SMARCA5: variants seen among roughly 807,000 people sequenced by gnomAD.
SMARCA5 encodes the protein SWI/SNF-related matrix-associated actin-dependent regulator of chromatin subfamily A member 5.
A neutral mutation model predicts 140.4 loss-of-function variants in SMARCA5; 18 were observed. The observed-to-expected ratio is 0.13, with a 90% CI of 0.09 to 0.19. The LOEUF is 0.19. Ranked by LOEUF, SMARCA5 falls within the 10% of genes least tolerant of loss-of-function variation. SMARCA5 has a pLI of 1.00. For missense variants in SMARCA5, 606 were observed against 1,276.8 expected, an observed-to-expected ratio of 0.47 and a Z score of 8.01; for synonymous variants, 449 against 419.6, an observed-to-expected ratio of 1.07 and a Z score of -0.86.
At chr4:143,523,988 G>A (rs1304756506) in intron 3 of SMARCA5, among the ~76,000 whole-genome samples, 2 of 152,022 alleles carry the variant, frequency 1.3e-5, no homozygotes, top group Non-Finnish European at 2.9e-5. Flanking sequence ...GCTTTTGCTC[G>A]AAGTTACAAT....
Position 143,554,179 on chromosome 4 carries a change from A to G in SMARCA5, c.*995A>G, listed in dbSNP as rs944198975. Reference sequence around the variant, plus strand: ...TGTTTTCTATGGACAGACCTGATAAACTGGAGACCCTAAAGCAGGAATACC... The same window carrying G: ...TGTTTTCTATGGACAGACCTGATAAGCTGGAGACCCTAAAGCAGGAATACC... On this transcript the variant is annotated 3_prime_UTR_variant, in exon 24 of 24. Transcript: ENST00000283131. The G allele has an allele frequency of 1.3e-5, 2 of 152,106 alleles. No individual in the cohort carries two copies. Among genetic ancestry groups the G allele is most frequent in the South Asian group, 4.1e-4 (2 of 4,830 alleles). The allele number at this position is 152,106 out of a possible 1,614,324, so 9.4% of individuals were successfully genotyped here. A position where few individuals can be genotyped will look rare whatever the true frequency, so the allele number is the denominator to read the frequency against.
At chr4:143,549,218 TG>T (rs1195259624) in intron 22 of SMARCA5, among the ~76,000 whole-genome samples, 1 of 152,052 alleles carries the variant, frequency 6.6e-6, no homozygotes, top group African/African-American at 2.4e-5. Context: ...AAAATGATAA[TG>T]TATTCTTCTA....
chr4:143,515,921 A>C (rs1013433993), intron 1 of SMARCA5, among the ~76,000 whole-genome samples: 1 of 152,014 alleles, frequency 6.6e-6, no homozygotes, highest in African/African-American at 2.4e-5. Context: ...AAATATTAGG[A>C]ATTTTATTTT....
At chr4:143,539,082 T>G in intron 13 of SMARCA5, 144 bp downstream of exon 13, 2 of 740,308 alleles carry the variant, frequency 2.7e-6, no homozygotes, top group Non-Finnish European at 4.4e-6. Flanking sequence ...ATTGAGGTGA[T>G]CTTCCATCTA....
At position 143,557,101 on chromosome 4, in the gene SMARCA5, C is replaced by T. The variant is rs1201108870; in HGVS notation, c.*3917C>T. On this transcript the variant is annotated 3_prime_UTR_variant, in exon 24 of 24. Coordinates refer to ENST00000283131, the MANE Select transcript of SMARCA5 (RefSeq NM_003601.4). ...CGGAGAGATTCCCTAGCTCTAATGA[C>T]AGCTTTTTTGGGGGGTAATGAGGCT... 1 of 152,150 alleles carries T rather than the reference C, an allele frequency of 6.6e-6. No homozygotes were observed. Among genetic ancestry groups the T allele is most frequent in the Non-Finnish European group, 1.5e-5 (1 of 68,044 alleles). The allele number at this position is 152,150 out of a possible 1,614,324, so 9.4% of individuals were successfully genotyped here. A position where few individuals can be genotyped will look rare whatever the true frequency, so the allele number is the denominator to read the frequency against.
chr4:143,551,290 T>G (rs1259415495), intron 23 of SMARCA5, among the ~76,000 whole-genome samples: 1 of 152,082 alleles, frequency 6.6e-6, no homozygotes, highest in African/African-American at 2.4e-5. Flanking sequence ...GTTTGAGCTC[T>G]TACATATTCT....
chr4:143,528,276 T>TC (rs536035018), intron 7 of SMARCA5, among the ~76,000 whole-genome samples: 61 of 152,238 alleles, frequency 4.0e-4, no homozygotes, highest in African/African-American at 1.4e-3. Flanking sequence ...CATGTGGTGT[T>TC]CCCCTCCCTG....
rs1324568755 is a variant in SMARCA5, at chr4:143,530,450, TTATC to T, written c.1090-5_1090-2del. 6.2e-6 allele frequency: 10 copies of T among 1,604,386 alleles called. No individual in the cohort carries two copies. Among genetic ancestry groups the T allele is most frequent in the Non-Finnish European group, 8.5e-6 (10 of 1,173,808 alleles). ...TGATCTGAGTATATTTTTTGTTTGT[TTATC>T]TAGGACTTTGATTCCTGGTTTGATA... On this transcript the variant is annotated splice_region_variant and splice_polypyrimidine_tract_variant and intron_variant, in intron 8 of 23. Coordinates refer to ENST00000283131, the MANE Select transcript of SMARCA5 (RefSeq NM_003601.4).
intron 10 of SMARCA5, among the ~76,000 whole-genome samples, chr4:143,535,623 C>T (rs1215452620): frequency 6.6e-6 from 1 of 152,102 alleles, no homozygotes; most frequent in Non-Finnish European, 1.5e-5. Flanking sequence ...CCTTGGATGG[C>T]TCTAAAACAG....
intron 6 of SMARCA5, 73 bp from the exon 7 acceptor site, chr4:143,527,795 G>T: frequency 1.1e-5 from 14 of 1,277,578 alleles, no homozygotes; most frequent in Non-Finnish European, 1.5e-5. Context: ...TTATATACTA[G>T]ATTACTTGTC....
At chr4:143,535,283 T>TA (rs755917561) in intron 10 of SMARCA5, among the ~76,000 whole-genome samples, 52 of 152,278 alleles carry the variant, frequency 3.4e-4, no homozygotes, top group Admixed American at 9.8e-4. Context: ...GTGTGGGAGA[T>TA]ATATGGTTCA....
At chr4:143,546,996 A>G in intron 20 of SMARCA5, 88 bp downstream of exon 20, 1 of 1,292,092 alleles carries the variant, frequency 7.7e-7, no homozygotes, top group Non-Finnish European at 1.1e-6. Flanking sequence ...GTGATTAGCT[A>G]ATTTTGTCAC....
chr4:143,550,108 A>C lies in SMARCA5; in HGVS notation c.3093+4A>C. On this transcript the variant is annotated splice_donor_region_variant and intron_variant, in intron 23 of 23. Transcript: ENST00000283131. ...GAAACGAGGACCAAAGCCTTCAGTA[A>C]GTATTCATGAATATGTAAATATGTG... 4 of 1,473,788 alleles carry C rather than the reference A, an allele frequency of 2.7e-6. No individual in the cohort carries two copies. The highest frequency in any genetic ancestry group is 3.7e-6 in the Non-Finnish European group (4 of 1,072,670). The allele number at this position is 1,473,788 out of a possible 1,614,324, so 91.3% of individuals were successfully genotyped here. A position where few individuals can be genotyped will look rare whatever the true frequency, so the allele number is the denominator to read the frequency against.
chr4:143,518,145 T>C (rs1181928537), intron 2 of SMARCA5, among the ~76,000 whole-genome samples: 1 of 152,170 alleles, frequency 6.6e-6, no homozygotes, highest in Non-Finnish European at 1.5e-5. Flanking sequence ...ATTTTTATAT[T>C]ATAGATGGGG....
chr4:143,540,479 A>G lies in SMARCA5; in HGVS notation c.1887A>G (p.Ser629=), dbSNP rs1737405983. The G allele has an allele frequency of 1.2e-6, 2 of 1,611,366 alleles. No individual in the cohort carries two copies. The highest frequency in any genetic ancestry group is 1.7e-5 in the Admixed American group (1 of 59,372). The change falls in exon 14 of 24, where the codon TCA becomes TCG. Residue 629 remains serine, a synonymous_variant. Coordinates refer to ENST00000283131, the MANE Select transcript of SMARCA5 (RefSeq NM_003601.4). The part of the protein sequence containing the change: ...ERAEMKLRLD[S]IVIQQGRLVD... The stretch of plus-strand genomic sequence containing the variant: ...CTGAGATGAAACTCAGACTGGATTC[A>G]ATAGTCATTCAACAAGGTAAGCCAT...
chr4:143,518,183 T>C (rs1385700775), intron 2 of SMARCA5, among the ~76,000 whole-genome samples: 1 of 152,140 alleles, frequency 6.6e-6, no homozygotes, highest in African/African-American at 2.4e-5. Flanking sequence ...TGACATTATA[T>C]TGGAGTCATT....
At chr4:143,534,334 A>G (rs146081031) in intron 9 of SMARCA5, among the ~76,000 whole-genome samples, 28 of 152,274 alleles carry the variant, frequency 1.8e-4, no homozygotes, top group African/African-American at 6.7e-4. Flanking sequence ...GGAACCCAGT[A>G]GTAATAAATT....
chr4:143,556,314 C>T lies in SMARCA5; in HGVS notation c.*3130C>T, dbSNP rs2149827274. 1 of 152,242 alleles carries T rather than the reference C, an allele frequency of 6.6e-6. No individual in the cohort carries two copies. The highest frequency in any genetic ancestry group is 1.9e-4 in the East Asian group (1 of 5,192). The allele number at this position is 152,242 out of a possible 1,614,324, so 9.4% of individuals were successfully genotyped here. A position where few individuals can be genotyped will look rare whatever the true frequency, so the allele number is the denominator to read the frequency against. Reference sequence around the variant, plus strand: ...AAATGATCTTTGGCTTAGTACCTTTCTTAATCTCGATCTTAAAAAGCATTG... The same window carrying T: ...AAATGATCTTTGGCTTAGTACCTTTTTTAATCTCGATCTTAAAAAGCATTG... On this transcript the variant is annotated 3_prime_UTR_variant, in exon 24 of 24. Transcript: ENST00000283131.
In SMARCA5 at chr4:143,555,319, T is replaced by A; in HGVS notation, c.*2135T>A. 1.3e-6 allele frequency: 1 copy of A among 745,034 alleles called. No homozygotes were observed. The allele number at this position is 745,034 out of a possible 1,614,324, so 46.2% of individuals were successfully genotyped here. On this transcript the variant is annotated 3_prime_UTR_variant, in exon 24 of 24. Coordinates refer to ENST00000283131, the MANE Select transcript of SMARCA5 (RefSeq NM_003601.4). Reference sequence around the variant, plus strand: ...AGCTTTTACCACCTCCAAAATTGCTTCAATCATTACCAAATCTATTATAGC... The same window carrying A: ...AGCTTTTACCACCTCCAAAATTGCTACAATCATTACCAAATCTATTATAGC...
Sources: allele counts gnomAD v4.1 joint callset (sites outside exome capture counted in the v4.1 genomes callset), GRCh38; gene constraint gnomAD v4.1.1; transcripts MANE v1.5; gene names NCBI Gene and HGNC (gene_info 2026-07-23, HGNC 2026-07-21).